Variants in ZNF804A observed in about 807,000 individuals in gnomAD.
ZNF804A encodes the protein zinc finger protein 804A.
ZNF804A carries 2 observed loss-of-function variants against 16.5 expected under a neutral mutation model. The observed-to-expected ratio is 0.12, with a 90% CI of 0.05 to 0.38. The LOEUF is 0.38. ZNF804A is among the 10% of genes least tolerant of loss of function. ZNF804A has a pLI of 0.99. For synonymous variants in ZNF804A, 534 were observed against 489.6 expected, an observed-to-expected ratio of 1.09 and a Z score of -1.20; for missense variants, 1,473 against 1,390.7, an observed-to-expected ratio of 1.06 and a Z score of -0.94.
At position 184,938,488 on chromosome 2, in the gene ZNF804A, A is replaced by G. The variant is rs1685834710; in HGVS notation, c.3092A>G (p.Glu1031Gly). The change falls in exon 4 of 4, where the codon GAG becomes GGG. Residue 1031 changes from glutamate (E) to glycine (G), a missense_variant. Physicochemically the swap from Glu to Gly is moderately conservative, Grantham distance 98. Transcript: ENST00000302277. ...ATCCTGGCTCCATTAGCTTTACCAG[A>G]GCAAGCATTATTGATCCCACTAGAA... Reference protein sequence around the residue: ...EQILAPLALPEQALLIPLENH... With the variant: ...EQILAPLALPGQALLIPLENH... The G allele has an allele frequency of 6.2e-7, 1 of 1,613,972 alleles. No individual in the cohort carries two copies. The highest frequency in any genetic ancestry group is 1.3e-5 in the African/African-American group (1 of 74,924).
rs530212452 is a variant in ZNF804A, at chr2:184,811,950, C to T, written c.112-54419C>T. On this transcript the variant is annotated intron_variant, in intron 1 of 3. Transcript: ENST00000302277. ...ATTTTAGAAAAGGTGAGAACACAGT[C>T]GCCCATCACTCGGGAATCATTCAAA... 1.6e-3 allele frequency among the ~76,000 whole-genome samples: 242 copies of T among 152,246 alleles called. 1 individual carries two copies. The highest frequency in any genetic ancestry group is 5.6e-3 in the African/African-American group (232 of 41,536).
At chr2:184,877,458 C>T (rs565772737) in intron 2 of ZNF804A, among the ~76,000 whole-genome samples, 5 of 152,136 alleles carry the variant, frequency 3.3e-5, no homozygotes, top group African/African-American at 1.2e-4. Flanking sequence ...AAATTTTTAT[C>T]TCCTACTAAT....
intron 2 of ZNF804A, among the ~76,000 whole-genome samples, chr2:184,868,956 G>A (rs1226340936): frequency 6.6e-6 from 1 of 151,916 alleles, no homozygotes; most frequent in African/African-American, 2.4e-5. Flanking sequence ...CAAGAAACAG[G>A]TACAGGTTGA....
At chr2:184,801,315 G>C (rs998205500) in intron 1 of ZNF804A, among the ~76,000 whole-genome samples, 8 of 152,066 alleles carry the variant, frequency 5.3e-5, no homozygotes, top group African/African-American at 1.9e-4. Context: ...CTGAATTTCT[G>C]TATCTGAGAT....
intron 1 of ZNF804A, among the ~76,000 whole-genome samples, chr2:184,785,678 A>T (rs1415352680): frequency 1.3e-5 from 2 of 152,048 alleles, no homozygotes; most frequent in East Asian, 1.9e-4. Context: ...ATAAATAGGT[A>T]GGCATATACA....
intron 1 of ZNF804A, among the ~76,000 whole-genome samples, chr2:184,615,214 G>T (rs1031285569): frequency 1.3e-5 from 2 of 152,122 alleles, no homozygotes; most frequent in Non-Finnish European, 2.9e-5. Context: ...CCATAAAAAA[G>T]GATTAGTTCA....
At chr2:184,824,889 A>C (rs1695135613) in intron 1 of ZNF804A, among the ~76,000 whole-genome samples, 1 of 152,058 alleles carries the variant, frequency 6.6e-6, no homozygotes, top group Non-Finnish European at 1.5e-5. Flanking sequence ...ATAACGACCA[A>C]GGTTCAAAGG....
At position 184,936,804 on chromosome 2, in the gene ZNF804A, A is replaced by G. The variant is rs557343387; in HGVS notation, c.1408A>G (p.Asn470Asp). Residue 470 changes from asparagine (N) to aspartate (D), a missense_variant, in exon 4 of 4, where the codon AAT (asparagine) becomes GAT (aspartate). Coordinates refer to ENST00000302277, the MANE Select transcript of ZNF804A (RefSeq NM_194250.2). The part of the protein sequence containing the change: ...LCFDFKSTKV[N>D]NNLDKNKPDL... ...TTTTGACTTCAAGTCTACTAAAGTA[A>G]ATAATAATCTAGATAAAAATAAGCC... is the stretch of plus-strand genomic sequence containing the variant. The G allele has an allele frequency of 6.7e-5, 108 of 1,613,410 alleles. 1 individual carries two copies. In the South Asian group the frequency reaches 1.2e-3, roughly 17 times the overall value.
chr2:184,821,055 A>G (rs1423041607), intron 1 of ZNF804A, among the ~76,000 whole-genome samples: 1 of 152,060 alleles, frequency 6.6e-6, no homozygotes, highest in Non-Finnish European at 1.5e-5. Context: ...TAAAAGAATT[A>G]GAATAAATTA....
intron 1 of ZNF804A, among the ~76,000 whole-genome samples, chr2:184,840,921 T>G (rs1278730474): frequency 1.3e-5 from 2 of 152,120 alleles, no homozygotes; most frequent in African/African-American, 4.8e-5. Context: ...CTTGACCATA[T>G]TCAGTTGAAT....
At chr2:184,734,495 A>G (rs1241870842) in intron 1 of ZNF804A, among the ~76,000 whole-genome samples, 1 of 152,164 alleles carries the variant, frequency 6.6e-6, no homozygotes, top group Non-Finnish European at 1.5e-5. Context: ...TCTGTTACTG[A>G]TTTCAAGTTT....
chr2:184,790,914 T>C (rs904370908), intron 1 of ZNF804A, among the ~76,000 whole-genome samples: 6 of 152,196 alleles, frequency 3.9e-5, no homozygotes, highest in African/African-American at 1.4e-4. Context: ...CAAACCTTCA[T>C]TATTATATAA....
At chr2:184,883,337 A>G (rs1215483200) in intron 2 of ZNF804A, among the ~76,000 whole-genome samples, 1 of 152,050 alleles carries the variant, frequency 6.6e-6, no homozygotes, top group Admixed American at 6.6e-5. Context: ...GCCACATTCT[A>G]TGAGACATAT....
intron 1 of ZNF804A, among the ~76,000 whole-genome samples, chr2:184,736,656 C>T (rs541235997): frequency 9.6e-4 from 146 of 152,010 alleles, no homozygotes; most frequent in African/African-American, 3.3e-3. Context: ...CACACGTATA[C>T]CTATGTAAGA....
chr2:184,825,215 A>C (rs1695143181), intron 1 of ZNF804A, among the ~76,000 whole-genome samples: 1 of 152,182 alleles, frequency 6.6e-6, no homozygotes, highest in South Asian at 2.1e-4. Context: ...GTCACAAAAT[A>C]TCTGATGGAT....
At chr2:184,686,267 G>A (rs567176793) in intron 1 of ZNF804A, among the ~76,000 whole-genome samples, 23 of 152,276 alleles carry the variant, frequency 1.5e-4, no homozygotes, top group East Asian at 5.8e-4. Flanking sequence ...AGTAGGGGGC[G>A]GGGCTTCCAC....
At chr2:184,669,627 A>T (rs6708807) in intron 1 of ZNF804A, among the ~76,000 whole-genome samples, 1,951 of 152,196 alleles carry the variant, frequency 0.013, 46 homozygotes, top group African/African-American at 0.045. Context: ...GAATAGATCC[A>T]CAAATCACAT....
chr2:184,662,606 C>T (rs989557426), intron 1 of ZNF804A, among the ~76,000 whole-genome samples: 12 of 152,142 alleles, frequency 7.9e-5, no homozygotes, highest in African/African-American at 2.9e-4. Context: ...TCTACCAGTA[C>T]TCTGCTGGTG....
intron 1 of ZNF804A, among the ~76,000 whole-genome samples, chr2:184,740,566 G>C (rs1188129884): frequency 1.3e-5 from 2 of 152,072 alleles, no homozygotes; most frequent in African/African-American, 4.8e-5. Flanking sequence ...AAAACCTCAG[G>C]AAACTTTTAG....
Sources: allele counts gnomAD v4.1 joint callset (sites outside exome capture counted in the v4.1 genomes callset), GRCh38; gene constraint gnomAD v4.1.1; transcripts MANE v1.5; gene names NCBI Gene and HGNC (gene_info 2026-07-23, HGNC 2026-07-21).